SLC71A2: variants seen among roughly 807,000 people sequenced by gnomAD.
The protein encoded by SLC71A2 is solute carrier family 71 member 2.
chr9:94,439,926 T>C, the SLC71A2 span, among the ~76,000 whole-genome samples: 2 of 152,154 alleles, frequency 1.3e-5, no homozygotes, highest in Non-Finnish European at 2.9e-5. Context: ...CTCACTGCTT[T>C]TGCTAATTGC....
At chr9:94,453,071 G>C in the SLC71A2 span, among the ~76,000 whole-genome samples, 4 of 150,942 alleles carry the variant, frequency 2.7e-5, no homozygotes, top group Non-Finnish European at 5.9e-5. Context: ...GTTGAAATGT[G>C]TTGCAAATGT....
chr9:94,392,630 A>G, the SLC71A2 span, among the ~76,000 whole-genome samples: 1 of 151,908 alleles, frequency 6.6e-6, no homozygotes, highest in Non-Finnish European at 1.5e-5. Flanking sequence ...CCTCCCAAGT[A>G]GCTGGGACTA....
chr9:94,452,468 G>A, the SLC71A2 span, among the ~76,000 whole-genome samples: 208 of 152,054 alleles, frequency 1.4e-3, no homozygotes, highest in African/African-American at 4.6e-3. Flanking sequence ...GTGGTGGCAT[G>A]TGCTTGTAAT....
the SLC71A2 span, among the ~76,000 whole-genome samples, chr9:94,382,759 C>T: frequency 3.3e-5 from 5 of 152,092 alleles, no homozygotes; most frequent in Admixed American, 6.6e-5. Context: ...TCACTGCAAT[C>T]TCTGCCTCCC....
chr9:94,420,764 T>C, the SLC71A2 span, among the ~76,000 whole-genome samples: 1 of 151,948 alleles, frequency 6.6e-6, no homozygotes, highest in Non-Finnish European at 1.5e-5. Flanking sequence ...CCAGGCATGG[T>C]GGCATGCGCC....
the SLC71A2 span, among the ~76,000 whole-genome samples, chr9:94,414,549 A>G: frequency 6.6e-6 from 1 of 152,202 alleles, no homozygotes; most frequent in Non-Finnish European, 1.5e-5. Flanking sequence ...AGGAACACGT[A>G]ATTCGTAAGG....
chr9:94,405,655 A>G, the SLC71A2 span, among the ~76,000 whole-genome samples: 2 of 152,122 alleles, frequency 1.3e-5, no homozygotes, highest in Non-Finnish European at 2.9e-5. Context: ...CTGTTGGTCT[A>G]CATGTCTGTT....
chr9:94,384,123 A>T, the SLC71A2 span, among the ~76,000 whole-genome samples: 1 of 152,142 alleles, frequency 6.6e-6, no homozygotes, highest in Non-Finnish European at 1.5e-5. Context: ...TTCAAAACAA[A>T]TTCTATACCC....
chr9:94,384,485 G>A, the SLC71A2 span, among the ~76,000 whole-genome samples: 2 of 151,974 alleles, frequency 1.3e-5, no homozygotes, highest in Admixed American at 6.6e-5. Flanking sequence ...GAGTACAGGC[G>A]CGCACGAGCA....
chr9:94,450,507 T>TTTTTTTTTTTTTTTTTTTTTTC, the SLC71A2 span, among the ~76,000 whole-genome samples: 830 of 137,208 alleles, frequency 6.0e-3, 80 homozygotes, highest in African/African-American at 0.019. Context: ...TTTTTTTTTT[T>TTTTTTTTTTTTTTTTTTTTTTC]GAGATGGAGT....
At chr9:94,400,314 A>T in the SLC71A2 span, among the ~76,000 whole-genome samples, 1 of 152,020 alleles carries the variant, frequency 6.6e-6, no homozygotes, top group Admixed American at 6.6e-5. Context: ...CTGGGGTCTC[A>T]TTGTCAAATG....
the SLC71A2 span, among the ~76,000 whole-genome samples, chr9:94,391,238 G>C: frequency 6.6e-6 from 1 of 150,622 alleles, no homozygotes; most frequent in Non-Finnish European, 1.5e-5. Context: ...GCTTGGCGGT[G>C]TGTGTCTGTA....
chr9:94,457,453 A>ATT, the SLC71A2 span, among the ~76,000 whole-genome samples: 45,528 of 150,404 alleles, frequency 0.3, 7,147 homozygotes, highest in Admixed American at 0.44. Flanking sequence ...TATTCATTGC[A>ATT]TTTTTTTTTT....
the SLC71A2 span, among the ~76,000 whole-genome samples, chr9:94,450,392 A>G: frequency 2.6e-5 from 4 of 152,158 alleles, no homozygotes; most frequent in Admixed American, 2.0e-4. Flanking sequence ...TGTCCCTGGA[A>G]GCAAGACACT....
the SLC71A2 span, among the ~76,000 whole-genome samples, chr9:94,450,492 A>ATTTTTTTTTTTT: frequency 9.5e-5 from 5 of 52,496 alleles, no homozygotes; most frequent in South Asian, 4.9e-4. Context: ...AAATAATGTA[A>ATTTTTTTTTTTT]CTTTTTTTTT....
chr9:94,442,901 CA>C, the SLC71A2 span, among the ~76,000 whole-genome samples: 4 of 150,410 alleles, frequency 2.7e-5, no homozygotes, highest in African/African-American at 9.8e-5. Context: ...CCCGCCCTGC[CA>C]AAAAAAAGAA....
the SLC71A2 span, among the ~76,000 whole-genome samples, chr9:94,404,202 C>T: frequency 3.3e-5 from 5 of 152,332 alleles, no homozygotes; most frequent in East Asian, 9.6e-4. Flanking sequence ...CAGATTAAGA[C>T]AGTAGCCATC....
At chr9:94,385,642 C>G in the SLC71A2 span, among the ~76,000 whole-genome samples, 1 of 152,102 alleles carries the variant, frequency 6.6e-6, no homozygotes, top group African/African-American at 2.4e-5. Context: ...TTTATGGCAC[C>G]CTTGCTCAAA....
the SLC71A2 span, among the ~76,000 whole-genome samples, chr9:94,386,913 A>G: frequency 6.6e-6 from 1 of 152,192 alleles, no homozygotes; most frequent in East Asian, 1.9e-4. Context: ...ATGGATGAAA[A>G]ACTCAGCTTT....
Sources: allele counts gnomAD v4.1 joint callset (sites outside exome capture counted in the v4.1 genomes callset), GRCh38; gene constraint gnomAD v4.1.1; transcripts MANE v1.5; gene names NCBI Gene and HGNC (gene_info 2026-07-23, HGNC 2026-07-21).